SLMAP: variants seen among roughly 807,000 people sequenced by gnomAD.
The protein encoded by SLMAP is sarcolemmal membrane-associated protein.
A neutral mutation model predicts 128.8 loss-of-function variants in SLMAP; 44 were observed. That is an observed-to-expected ratio of 0.34 (90% CI 0.27 to 0.44). SLMAP has a LOEUF of 0.44. Among genes scored for constraint, SLMAP ranks in the 20% least tolerant of loss-of-function variants. SLMAP has a pLI of 1.00. For synonymous variants in SLMAP, 327 were observed against 348.8 expected (o/e 0.94, Z 0.70); for missense variants, 787 against 985.3 (o/e 0.80, Z 2.69).
intron 2 of SLMAP, among the ~76,000 whole-genome samples, chr3:57,807,870 G>T (rs147820113): frequency 0.023 from 3,541 of 152,190 alleles, 66 homozygotes; most frequent in Non-Finnish European, 0.034. Context: ...TGTTCCTCTG[G>T]TAGAACTTGG....
chr3:57,823,543 A>G (rs944462111), intron 2 of SLMAP, among the ~76,000 whole-genome samples: 13 of 152,352 alleles, frequency 8.5e-5, no homozygotes, highest in Non-Finnish European at 1.6e-4. Flanking sequence ...TACAAAGGAC[A>G]TGAACTCATC....
At chr3:57,851,966 G>A (rs901991926) in intron 6 of SLMAP, among the ~76,000 whole-genome samples, 3 of 151,158 alleles carry the variant, frequency 2.0e-5, no homozygotes, top group Admixed American at 1.3e-4. Context: ...GCTGGAGTGC[G>A]GTGGCGTGAT....
chr3:57,849,312 A>G (rs187016859), intron 5 of SLMAP, among the ~76,000 whole-genome samples: 318 of 152,298 alleles, frequency 2.1e-3, no homozygotes, highest in Non-Finnish European at 1.9e-3. Flanking sequence ...TATGACTTAC[A>G]GTGTTTAAAC....
At chr3:57,885,771 CTTTTTTTTT>C (rs35541333) in intron 14 of SLMAP, among the ~76,000 whole-genome samples, 4 of 53,574 alleles carry the variant, frequency 7.5e-5, no homozygotes, top group Admixed American at 5.5e-4. Flanking sequence ...GTTTTTGGTT[CTTTTTTTTT>C]TTTTTTTTTT....
intron 13 of SLMAP, 128 bp from the exon 14 acceptor site, chr3:57,871,508 A>G: frequency 1.5e-6 from 1 of 650,878 alleles, no homozygotes; most frequent in Non-Finnish European, 2.7e-6. Context: ...TTTAGTATCA[A>G]AATATATTAA....
chr3:57,789,048 G>A (rs192969852), intron 2 of SLMAP, among the ~76,000 whole-genome samples: 4 of 152,270 alleles, frequency 2.6e-5, no homozygotes, highest in Admixed American at 6.5e-5. Flanking sequence ...TATGTCGGGG[G>A]AAATGTGGCA....
chr3:57,775,507 TACAAAAAAAAAA>T (rs2081694376), intron 2 of SLMAP, among the ~76,000 whole-genome samples: 1 of 27,294 alleles, frequency 3.7e-5, no homozygotes, highest in African/African-American at 9.3e-5. Flanking sequence ...ACCCTGTTGG[TACAAAAAAAAAA>T]AAAAAAAAAA....
At chr3:57,864,779 T>A in intron 11 of SLMAP, 28 bp from the exon 12 acceptor site, 1 of 506,870 alleles carries the variant, frequency 2.0e-6, no homozygotes. Context: ...GTGAAATATC[T>A]TTTTTTTTTT....
chr3:57,913,087 T>C (rs1457626672), intron 20 of SLMAP, 71 bp from the exon 21 acceptor site: 3 of 755,610 alleles, frequency 4.0e-6, no homozygotes, highest in African/African-American at 3.5e-5. Context: ...CTGAAATCTT[T>C]TCCTTTATCC....
intron 21 of SLMAP, among the ~76,000 whole-genome samples, chr3:57,915,232 T>C (rs941863360): frequency 1.3e-5 from 2 of 152,224 alleles, no homozygotes; most frequent in Non-Finnish European, 2.9e-5. Context: ...TTAATTGGAA[T>C]CTGGCAGATT....
intron 2 of SLMAP, among the ~76,000 whole-genome samples, chr3:57,776,007 A>G (rs2081862048): frequency 6.6e-6 from 1 of 152,178 alleles, no homozygotes; most frequent in African/African-American, 2.4e-5. Flanking sequence ...CCAATTTTTT[A>G]AATAATTTAA....
In SLMAP at chr3:57,856,401, A is replaced by G. The variant is rs537289234; in HGVS notation, c.520-1332A>G. Among the ~76,000 whole-genome samples the G allele has an allele frequency of 2.2e-4, 34 of 152,280 alleles. No individual in the cohort carries two copies. The East Asian group carries it at 5.4e-3, about 24-fold the overall frequency. On this transcript the variant is annotated intron_variant, in intron 6 of 24. Transcript: ENST00000671191. ...AAAATATTGTTTCTATTCTTAATTT[A>G]TAAGCTTTTTATTATTAAAAATTTT...
rs201994281 is a variant in SLMAP at position 57,879,968 on chromosome 3, AT to A, written c.1300+8271del. On this transcript the variant is annotated intron_variant, in intron 14 of 24. Coordinates refer to ENST00000671191, the MANE Select transcript of SLMAP (RefSeq NM_001377540.1). ...CTGTCTCAAAAAAAAAAAAATAAAA[AT>A]AAAAAGCACACAGAATAGTAGTTAC... is the stretch of plus-strand genomic sequence containing the variant. Among the ~76,000 whole-genome samples the A allele has an allele frequency of 3.4e-3, 520 of 151,010 alleles. 2 individuals are homozygous for A. Among genetic ancestry groups the A allele is most frequent in the Middle Eastern group, 0.01 (3 of 292 alleles).
chr3:57,910,537 G>A (rs1029485567), intron 19 of SLMAP, among the ~76,000 whole-genome samples: 64 of 152,222 alleles, frequency 4.2e-4, no homozygotes, highest in Admixed American at 1.7e-3. Flanking sequence ...ACTGATTTTC[G>A]TTGATAATGG....
intron 2 of SLMAP, 49 bp from the exon 3 acceptor site, chr3:57,831,334 T>C: frequency 7.8e-7 from 1 of 1,275,214 alleles, no homozygotes; most frequent in Non-Finnish European, 1.0e-6. Context: ...ACATTTGGAA[T>C]TATTACTATT....
At chr3:57,896,726 T>A (rs913210832) in intron 16 of SLMAP, 135 bp downstream of exon 16, 3 of 1,291,864 alleles carry the variant, frequency 2.3e-6, no homozygotes, top group Non-Finnish European at 3.2e-6. Context: ...TCATCCCCTT[T>A]GAATGCTGGA....
chr3:57,828,617 C>G (rs2093096065), intron 2 of SLMAP, among the ~76,000 whole-genome samples: 1 of 152,018 alleles, frequency 6.6e-6, no homozygotes, highest in African/African-American at 2.4e-5. Flanking sequence ...GGATTTTATT[C>G]TAAGGTGTTT....
At chr3:57,795,977 T>C (rs2086645389) in intron 2 of SLMAP, among the ~76,000 whole-genome samples, 1 of 152,154 alleles carries the variant, frequency 6.6e-6, no homozygotes, top group Non-Finnish European at 1.5e-5. Context: ...TTTGATGAAG[T>C]CCAATTTATC....
At chr3:57,866,551 A>C (rs546758666) in intron 13 of SLMAP, among the ~76,000 whole-genome samples, 1 of 152,188 alleles carries the variant, frequency 6.6e-6, no homozygotes, top group Non-Finnish European at 1.5e-5. Context: ...CTGTTTGACT[A>C]TTCTACGTAT....
Sources: gnomAD v4.1 joint callset for allele counts (sites outside exome capture counted in the v4.1 genomes callset) on GRCh38, gnomAD v4.1.1 for gene constraint, MANE v1.5 for transcripts, NCBI Gene and HGNC (gene_info 2026-07-23, HGNC 2026-07-21) for gene names.